KLHDC2: variants seen among roughly 807,000 people sequenced by gnomAD.
KLHDC2 encodes the protein kelch domain containing 2, also known as kelch domain-containing protein 2.
KLHDC2 carries 38 observed loss-of-function variants against 62.3 expected under a neutral mutation model. That is an observed-to-expected ratio of 0.61 (90% confidence interval 0.47 to 0.80). The LOEUF (loss-of-function observed/expected upper bound fraction) is 0.80. KLHDC2 is among the 30% of genes least tolerant of loss of function. The pLI, the probability that KLHDC2 is intolerant of heterozygous loss-of-function variation, is 0.00. For missense variants in KLHDC2, 430 were observed against 495.3 expected (o/e 0.87, Z 1.25); for synonymous variants, 159 against 161.0 (o/e 0.99, Z 0.09).
In KLHDC2 at chr14:49,768,541, G is replaced by T; in HGVS notation, c.73G>T (p.Glu25Ter). ...GPAFESYESM[E>*]LACPAERSGH... ...AGCCTTCGAGAGCTATGAGTCCATG[G>T]AGCTTGCCTGCCCCGCTGAGCGCAG... Residue 25 changes from glutamate to a stop codon, truncating the protein, a stop_gained, in exon 1 of 13, where the codon GAG (glutamate) becomes TAG (stop). Transcript: ENST00000298307. LOFTEE classifies it high-confidence loss of function. The T allele has an allele frequency of 6.2e-7, 1 of 1,610,316 alleles. No individual in the cohort carries two copies. The highest frequency in any genetic ancestry group is 2.2e-5 in the East Asian group (1 of 44,612).
chr14:49,777,988 T>A, intron 4 of KLHDC2, 34 bp downstream of exon 4: 1 of 1,326,092 alleles, frequency 7.5e-7, no homozygotes, highest in Non-Finnish European at 1.1e-6. Context: ...TGGGTTTTTA[T>A]GTGTAAAGTG....
rs5808514 is a variant in KLHDC2, at chr14:49,785,889, C to CA, written c.*2952dup. 0.052 allele frequency: 6,427 copies of CA among 124,094 alleles called. 553 individuals carry two copies. The highest frequency in any genetic ancestry group is 0.17 in the African/African-American group (5,402 of 32,584). The allele number at this position is 124,094 out of a possible 1,614,324, so 7.7% of individuals were successfully genotyped here. A position where few individuals can be genotyped will look rare whatever the true frequency, so the allele number is the denominator to read the frequency against. On this transcript the variant is annotated 3_prime_UTR_variant, in exon 13 of 13. Coordinates refer to ENST00000298307, the MANE Select transcript of KLHDC2 (RefSeq NM_014315.3). ...AGCCTGGGTGACAGAGACCCTGTCT[C>CA]AAAAAAAAAAAAAAAAGGAAAAAAA...
At chr14:49,773,731 C>G (rs1889713850) in intron 2 of KLHDC2, among the ~76,000 whole-genome samples, 1 of 151,676 alleles carries the variant, frequency 6.6e-6, no homozygotes, top group African/African-American at 2.4e-5. Context: ...CGCCCGCCAC[C>G]ACGCCTGGCT....
intron 6 of KLHDC2, among the ~76,000 whole-genome samples, chr14:49,779,096 A>G (rs1227856065): frequency 2.0e-5 from 3 of 152,192 alleles, no homozygotes; most frequent in Non-Finnish European, 2.9e-5. Context: ...ACAGTCAACT[A>G]TCTCTAATCC....
chr14:49,775,678 GTGCAGTGGTGCAATCTTGGCTTAC>G lies in KLHDC2; in HGVS notation c.351+1005_351+1028del. Among the ~76,000 whole-genome samples, 3 of 143,458 alleles carry G rather than the reference GTGCAGTGGTGCAATCTTGGCTTAC, an allele frequency of 2.1e-5. 1 individual carries two copies. Among genetic ancestry groups the G allele is most frequent in the Non-Finnish European group, 4.5e-5 (3 of 66,772 alleles). 94.1% of individuals were successfully genotyped at this position (143,458 alleles called of 152,430 possible). A position where few individuals can be genotyped will look rare whatever the true frequency, so the allele number is the denominator to read the frequency against. ...GTCTCGCTCTGTCGCCCAGGCTGGAGTGCAGTGGTGCAATCTTGGCTTACTGCAATCTCCGCCTCCCAGGTTCAA... is the reference window on the plus strand; with the variant it reads ...GTCTCGCTCTGTCGCCCAGGCTGGAGTGCAATCTCCGCCTCCCAGGTTCAA... On this transcript the variant is annotated intron_variant, in intron 3 of 12. Coordinates refer to ENST00000298307, the MANE Select transcript of KLHDC2 (RefSeq NM_014315.3).
intron 10 of KLHDC2, among the ~76,000 whole-genome samples, chr14:49,781,196 C>G (rs888245537): frequency 6.6e-6 from 1 of 151,760 alleles, no homozygotes; most frequent in African/African-American, 2.4e-5. Flanking sequence ...GGTGAAACCC[C>G]GTCTCTAGTA....
At chr14:49,774,731 C>G in intron 3 of KLHDC2, 53 bp downstream of exon 3, 1 of 1,031,894 alleles carries the variant, frequency 9.7e-7, no homozygotes, top group East Asian at 2.4e-5. Context: ...TATTATCTTT[C>G]AAACAACTGC....
chr14:49,784,216 T>TATAGCAAGGCAATGTTTAGTTCA lies in KLHDC2; in HGVS notation c.*1264_*1286dup. The TATAGCAAGGCAATGTTTAGTTCA allele has an allele frequency of 6.5e-6, 1 of 153,264 alleles. No homozygotes were observed. The highest frequency in any genetic ancestry group is 1.4e-5 in the Non-Finnish European group (1 of 69,186). The allele number at this position is 153,264 out of a possible 1,614,324, so 9.5% of individuals were successfully genotyped here. The stretch of plus-strand genomic sequence containing the variant: ...ACAAGAATTAAGTCCTTTTGGTGAA[T>TATAGCAAGGCAATGTTTAGTTCA]ATAGCAAGGCAATGTTTAGTTCATT... On this transcript the variant is annotated 3_prime_UTR_variant, in exon 13 of 13. Coordinates refer to ENST00000298307, the MANE Select transcript of KLHDC2 (RefSeq NM_014315.3).
At chr14:49,771,065 T>C (rs1424906861) in intron 1 of KLHDC2, among the ~76,000 whole-genome samples, 1 of 152,022 alleles carries the variant, frequency 6.6e-6, no homozygotes, top group Non-Finnish European at 1.5e-5. Flanking sequence ...AGAGATCTCT[T>C]GGCTGGGCAC....
At chr14:49,772,072 T>C (rs980894468) in intron 2 of KLHDC2, among the ~76,000 whole-genome samples, 3 of 152,202 alleles carry the variant, frequency 2.0e-5, no homozygotes, top group Non-Finnish European at 4.4e-5. Context: ...AAAACACTGT[T>C]CTGCTACTTT....
In KLHDC2 at chr14:49,785,112, C is replaced by T; in HGVS notation, c.*2159C>T. 1 of 1,606,042 alleles carries T rather than the reference C, an allele frequency of 6.2e-7. No homozygotes were observed. The highest frequency in any genetic ancestry group is 8.5e-7 in the Non-Finnish European group (1 of 1,172,892). On this transcript the variant is annotated 3_prime_UTR_variant, in exon 13 of 13. Coordinates refer to ENST00000298307, the MANE Select transcript of KLHDC2 (RefSeq NM_014315.3). ...AATACCTTTTCCCTTTTTCTGCACT[C>T]CAGGAGTAAGTTTCACTTTATATCT...
At position 49,784,836 on chromosome 14, in the gene KLHDC2, C is replaced by T. The variant is rs905237405; in HGVS notation, c.*1883C>T. 40 of 1,401,678 alleles carry T rather than the reference C, an allele frequency of 2.9e-5. No homozygotes were observed. Among genetic ancestry groups the T allele is most frequent in the Non-Finnish European group, 3.7e-5 (37 of 998,304 alleles). The allele number at this position is 1,401,678 out of a possible 1,614,324, so 86.8% of individuals were successfully genotyped here. ...GATGGTTTTACTGCTTCTAATAAGA[C>T]AGCATTTTCTACTAAAATAACAAAA... On this transcript the variant is annotated 3_prime_UTR_variant, in exon 13 of 13. Coordinates refer to ENST00000298307, the MANE Select transcript of KLHDC2 (RefSeq NM_014315.3).
Position 49,783,532 on chromosome 14 carries a change from G to C in KLHDC2, c.*579G>C, listed in dbSNP as rs1485494237. On this transcript the variant is annotated 3_prime_UTR_variant, in exon 13 of 13. Transcript: ENST00000298307. ...CAGGTGCTGTCCAGTCAATTAAAAA[G>C]TTTTTTTTTAATTAATAGGTTTTAT... 2.0e-5 allele frequency: 3 copies of C among 151,234 alleles called. No individual in the cohort carries two copies. Among genetic ancestry groups the C allele is most frequent in the Admixed American group, 2.0e-4 (3 of 15,146 alleles). The allele number at this position is 151,234 out of a possible 1,614,324, so 9.4% of individuals were successfully genotyped here. A position where few individuals can be genotyped will look rare whatever the true frequency, so the allele number is the denominator to read the frequency against.
Position 49,768,270 on chromosome 14 carries a change from C to G in KLHDC2, c.-199C>G. On this transcript the variant is annotated 5_prime_UTR_variant, in exon 1 of 13. Coordinates refer to ENST00000298307, the MANE Select transcript of KLHDC2 (RefSeq NM_014315.3). ...CGCGGCCCCTCTGTCTGCAGGCGTG[C>G]CCCGGCGGCGGCGGAGAGCCGTCCT... 1 of 529,874 alleles carries G rather than the reference C, an allele frequency of 1.9e-6. No individual in the cohort carries two copies. Among genetic ancestry groups the G allele is most frequent in the African/African-American group, 2.0e-5 (1 of 49,188 alleles). 32.8% of individuals were successfully genotyped at this position (529,874 alleles called of 1,614,324 possible).
intron 2 of KLHDC2, among the ~76,000 whole-genome samples, chr14:49,772,880 C>T (rs558012941): frequency 4.6e-5 from 7 of 152,112 alleles, no homozygotes; most frequent in South Asian, 2.1e-4. Context: ...CACCTGAACC[C>T]GGGAGGCAGA....
intron 1 of KLHDC2, among the ~76,000 whole-genome samples, chr14:49,770,711 G>A (rs1889645758): frequency 2.0e-5 from 3 of 152,278 alleles, no homozygotes; most frequent in Admixed American, 2.0e-4. Context: ...GTTGTTGTGA[G>A]GATTAAATAA....
In KLHDC2 at chr14:49,784,503, T is replaced by C. The variant is rs1435891999; in HGVS notation, c.*1550T>C. On this transcript the variant is annotated 3_prime_UTR_variant, in exon 13 of 13. Transcript: ENST00000298307. ...GGGAAAAAACAAGAAGTAAGTCCTTTTGGTGAATATAGCAAGGCAATGTTT... is the reference window on the plus strand; with the variant it reads ...GGGAAAAAACAAGAAGTAAGTCCTTCTGGTGAATATAGCAAGGCAATGTTT... The C allele has an allele frequency of 2.1e-5, 13 of 623,848 alleles. No homozygotes were observed. Among genetic ancestry groups the C allele is most frequent in the Non-Finnish European group, 3.3e-5 (12 of 358,340 alleles). 38.6% of individuals were successfully genotyped at this position (623,848 alleles called of 1,614,324 possible). A position where few individuals can be genotyped will look rare whatever the true frequency, so the allele number is the denominator to read the frequency against.
At chr14:49,780,845 C>A in intron 10 of KLHDC2, 70 bp downstream of exon 10, 1 of 829,766 alleles carries the variant, frequency 1.2e-6, no homozygotes. Context: ...TGCATTATAT[C>A]CAGCATTCTT....
chr14:49,784,810 A>C lies in KLHDC2; in HGVS notation c.*1857A>C, dbSNP rs1890083414. On this transcript the variant is annotated 3_prime_UTR_variant, in exon 13 of 13. Transcript: ENST00000298307. ...AAAAACATTTCCAAACTTTTAGCTG[A>C]GATGGTTTTACTGCTTCTAATAAGA... 6 of 1,409,108 alleles carry C rather than the reference A, an allele frequency of 4.3e-6. No individual in the cohort carries two copies. In the South Asian group the frequency reaches 7.3e-5, roughly 17 times the overall value. 87.3% of individuals were successfully genotyped at this position (1,409,108 alleles called of 1,614,324 possible).
Sources: allele counts gnomAD v4.1 joint callset (sites outside exome capture counted in the v4.1 genomes callset), GRCh38; gene constraint gnomAD v4.1.1; transcripts MANE v1.5; gene names NCBI Gene and HGNC (gene_info 2026-07-23, HGNC 2026-07-21).